DHRS9: variants seen among roughly 807,000 people sequenced by gnomAD.
The protein encoded by DHRS9 is dehydrogenase/reductase 9, also known as dehydrogenase/reductase SDR family member 9.
In DHRS9, 18 loss-of-function variants were observed where a neutral mutation model predicts 26.6. The ratio of observed to expected loss-of-function variants is 0.68; its 90% CI spans 0.47 to 1.00. The LOEUF (loss-of-function observed/expected upper bound fraction) is 1.00. Among genes scored for constraint, DHRS9 ranks in the 50% least tolerant of loss-of-function variants. DHRS9 has a pLI of 0.00. For missense variants in DHRS9, 425 were observed against 378.7 expected (o/e 1.12, Z -1.01); for synonymous variants, 134 against 141.1 (o/e 0.95, Z 0.36).
At chr2:169,070,741 A>G (rs1683775474) in intron 1 of DHRS9, 1 of 985,310 alleles carries the variant, frequency 1.0e-6, no homozygotes, top group Admixed American at 6.1e-5. Context: ...TCTTATAACA[A>G]ATGTCACTGT....
At chr2:169,089,763 T>C (rs1034340880) in intron 3 of DHRS9, among the ~76,000 whole-genome samples, 6 of 152,206 alleles carry the variant, frequency 3.9e-5, no homozygotes, top group African/African-American at 1.4e-4. Flanking sequence ...AAAAAACTAA[T>C]GTGCATTTGA....
At chr2:169,074,268 G>A (rs1460802751) in intron 1 of DHRS9, 1 of 985,232 alleles carries the variant, frequency 1.0e-6, no homozygotes, top group Non-Finnish European at 1.2e-6. Flanking sequence ...GGAAAATGGA[G>A]GCTAAGAAAA....
upstream of DHRS9, chr2:169,069,503 T>C: frequency 2.0e-6 from 2 of 985,378 alleles, no homozygotes; most frequent in Non-Finnish European, 2.4e-6. Flanking sequence ...TCACGTTGTG[T>C]CACAATGGGA....
At chr2:169,079,989 GAAAGAA>G (rs1558951596) in intron 1 of DHRS9, among the ~76,000 whole-genome samples, 2 of 78,542 alleles carry the variant, frequency 2.5e-5, no homozygotes, top group African/African-American at 1.0e-4. Flanking sequence ...GAGAGAGAAA[GAAAGAA>G]AGAAAGAAAG....
At chr2:169,091,029 T>G (rs1021546945) in intron 3 of DHRS9, among the ~76,000 whole-genome samples, 1 of 152,092 alleles carries the variant, frequency 6.6e-6, no homozygotes, top group Admixed American at 6.6e-5. Flanking sequence ...GGCTAAGCCA[T>G]GATGTTTGAC....
chr2:169,071,249 A>G (rs1473140127), intron 1 of DHRS9, among the ~76,000 whole-genome samples: 1 of 152,218 alleles, frequency 6.6e-6, no homozygotes, highest in East Asian at 1.9e-4. Flanking sequence ...TCTTTCCCAG[A>G]TAGCAATTGT....
intron 1 of DHRS9, chr2:169,081,094 TA>T: frequency 5.1e-6 from 5 of 977,624 alleles, no homozygotes; most frequent in Non-Finnish European, 6.1e-6. Context: ...AAAATTGAAT[TA>T]TTGTTTCTAA....
intron 1 of DHRS9, among the ~76,000 whole-genome samples, chr2:169,080,089 A>G (rs1158650887): frequency 6.6e-6 from 1 of 152,082 alleles, no homozygotes; most frequent in African/African-American, 2.4e-5. Context: ...TTGGCCTCTC[A>G]GTTCCTTTTT....
At chr2:169,079,930 AGAGAGAGAG>A (rs1684107333) in intron 1 of DHRS9, among the ~76,000 whole-genome samples, 2 of 10,954 alleles carry the variant, frequency 1.8e-4, no homozygotes, top group Admixed American at 7.6e-4. Context: ...GGAGAGAGAG[AGAGAGAGAG>A]AGAGAGAGAG....
At chr2:169,078,533 G>T (rs1270463438) in intron 1 of DHRS9, among the ~76,000 whole-genome samples, 1 of 152,028 alleles carries the variant, frequency 6.6e-6, no homozygotes, top group Non-Finnish European at 1.5e-5. Context: ...TCCTTAAAAG[G>T]TTTAAACATG....
At position 169,091,770 on chromosome 2, in the gene DHRS9, T is replaced by G; in HGVS notation, c.573-20T>G. ...CTAAACAAACCCGGATTAAACATCT[T>G]CAATGGGTTCTTTTCACAGACGGGA... On this transcript the variant is annotated intron_variant, in intron 3 of 4. Coordinates refer to ENST00000674881, the MANE Select transcript of DHRS9 (RefSeq NM_001376924.1). 6.3e-7 allele frequency: 1 copy of G among 1,585,350 alleles called. No homozygotes were observed. Among genetic ancestry groups the G allele is most frequent in the African/African-American group, 1.4e-5 (1 of 73,970 alleles).
At chr2:169,089,497 T>C (rs1444751805) in intron 3 of DHRS9, among the ~76,000 whole-genome samples, 2 of 152,170 alleles carry the variant, frequency 1.3e-5, no homozygotes, top group African/African-American at 4.8e-5. Flanking sequence ...GGTGCCACAA[T>C]AGGCAAGTGA....
chr2:169,083,631 C>A, intron 3 of DHRS9, 44 bp downstream of exon 3: 1 of 1,597,744 alleles, frequency 6.3e-7, no homozygotes, highest in Non-Finnish European at 8.5e-7. Flanking sequence ...TAGCTGCAAA[C>A]GTTTACTGAA....
intron 3 of DHRS9, among the ~76,000 whole-genome samples, chr2:169,086,492 T>C (rs1684354370): frequency 6.6e-6 from 1 of 152,170 alleles, no homozygotes; most frequent in Admixed American, 6.5e-5. Flanking sequence ...TCTTGTGTCT[T>C]ATTTCATTCA....
In DHRS9 at chr2:169,081,674, C is replaced by T; in HGVS notation, c.93C>T (p.Tyr31=). 8 of 1,614,186 alleles carry T rather than the reference C, an allele frequency of 5.0e-6. No individual in the cohort carries two copies. The highest frequency in any genetic ancestry group is 6.8e-6 in the Non-Finnish European group (8 of 1,180,028). Residue 31 remains tyrosine, a synonymous_variant, in exon 2 of 5, where the codon TAC becomes TAT. Coordinates refer to ENST00000674881, the MANE Select transcript of DHRS9 (RefSeq NM_001376924.1). ...KLKIEDITDK[Y]IFITGCDSGF... is the part of the protein sequence containing the mutation. Reference sequence around the variant, plus strand: ...AGATTGAAGACATCACTGATAAGTACATTTTTATCACTGGATGTGACTCGG... The same window carrying T: ...AGATTGAAGACATCACTGATAAGTATATTTTTATCACTGGATGTGACTCGG...
At chr2:169,092,221 G>A (rs886451825) in intron 4 of DHRS9, among the ~76,000 whole-genome samples, 26 of 152,210 alleles carry the variant, frequency 1.7e-4, no homozygotes, top group African/African-American at 5.8e-4. Context: ...GTAATGAGCA[G>A]AGGCTTGAGA....
At chr2:169,071,797 T>C (rs1683812770) in intron 1 of DHRS9, among the ~76,000 whole-genome samples, 1 of 152,228 alleles carries the variant, frequency 6.6e-6, no homozygotes, top group Non-Finnish European at 1.5e-5. Context: ...ATAATTGTTA[T>C]TTCAGTCAGA....
In DHRS9 at chr2:169,081,087, A is replaced by T. The variant is rs550184144; in HGVS notation, c.-59-436A>T. The stretch of plus-strand genomic sequence containing the variant: ...TTGGGAGTCTGACAGAACAATTAAA[A>T]TTGAATTATTGTTTCTAATAGATTT... On this transcript the variant is annotated intron_variant, in intron 1 of 4. Coordinates refer to ENST00000674881, the MANE Select transcript of DHRS9 (RefSeq NM_001376924.1). 2.4e-4 allele frequency: 234 copies of T among 970,622 alleles called. 1 individual carries two copies. The African/African-American group carries it at 3.9e-3, about 16-fold the overall frequency. The allele number at this position is 970,622 out of a possible 1,614,324, so 60.1% of individuals were successfully genotyped here.
At position 169,083,557 on chromosome 2, in the gene DHRS9, A is replaced by G; in HGVS notation, c.542A>G (p.Tyr181Cys). Residue 181 changes from tyrosine (Y) to cysteine (C), a missense_variant, in exon 3 of 5, where the codon TAT becomes TGT. By Grantham distance (194) the Tyr-to-Cys change is radical. Transcript: ENST00000674881. ...GGAGGGGGCTATACTCCATCCAAAT[A>G]TGCAGTGGAAGGTTTCAATGACAGC... ...IVGGGYTPSK[Y>C]AVEGFNDSLR... 1 of 1,614,082 alleles carries G rather than the reference A, an allele frequency of 6.2e-7. No individual in the cohort carries two copies.
Sources: gnomAD v4.1 joint callset for allele counts (sites outside exome capture counted in the v4.1 genomes callset) on GRCh38, gnomAD v4.1.1 for gene constraint, MANE v1.5 for transcripts, NCBI Gene and HGNC (gene_info 2026-07-23, HGNC 2026-07-21) for gene names.